The following ANKRD11 variants were observed in gnomAD, a reference collection of about 807,000 sequenced individuals.
ANKRD11 encodes ankyrin repeat domain-containing protein 11.
In ANKRD11, 17 loss-of-function variants were observed where a neutral mutation model predicts 195.7. The observed-to-expected ratio is 0.09, with a 90% CI of 0.06 to 0.13. The LOEUF is 0.13. Ranked by LOEUF, ANKRD11 falls within the 10% of genes least tolerant of loss-of-function variation. The pLI, the probability that ANKRD11 is intolerant of heterozygous loss-of-function variation, is 1.00. For missense variants in ANKRD11, 3,735 were observed against 3,566.1 expected (o/e 1.05, Z -1.21); for synonymous variants, 1,953 against 1,528.1 (o/e 1.28, Z -6.49).
intron 11 of ANKRD11, 185 bp downstream of exon 11, chr16:89,274,622 TCTGCTGC>T: frequency 1.2e-6 from 1 of 818,324 alleles, no homozygotes; most frequent in Non-Finnish European, 2.0e-6. Context: ...CTGTCTGCTG[TCTGCTGC>T]AGCCTTCTTG....
At chr16:89,269,601 A>C (rs1401074719) in intron 12 of ANKRD11, among the ~76,000 whole-genome samples, 1 of 151,794 alleles carries the variant, frequency 6.6e-6, no homozygotes, top group East Asian at 1.9e-4. Context: ...GTTCCAGTGA[A>C]TATTTTTATA....
At chr16:89,361,275 G>A (rs763849380) in intron 2 of ANKRD11, among the ~76,000 whole-genome samples, 1 of 152,190 alleles carries the variant, frequency 6.6e-6, no homozygotes, top group Non-Finnish European at 1.5e-5. Flanking sequence ...CAGGAAACGG[G>A]GTGACACAGG....
intron 1 of ANKRD11, among the ~76,000 whole-genome samples, chr16:89,440,182 G>C (rs2043385535): frequency 6.6e-6 from 1 of 152,188 alleles, no homozygotes; most frequent in African/African-American, 2.4e-5. Context: ...AGGGTTCACA[G>C]GATTCTTCCT....
chr16:89,300,752 C>G (rs1033564337), intron 4 of ANKRD11: 4 of 598,026 alleles, frequency 6.7e-6, no homozygotes, highest in South Asian at 5.8e-5. Context: ...GCTGAAGGAA[C>G]CAGCATGTGC....
At chr16:89,287,268 G>T in intron 7 of ANKRD11, 1 of 393,428 alleles carries the variant, frequency 2.5e-6, no homozygotes, top group Non-Finnish European at 4.7e-6. Flanking sequence ...GCATCTCTCA[G>T]ACTCAGCAGG....
At chr16:89,432,397 C>T (rs1298895525) in intron 1 of ANKRD11, among the ~76,000 whole-genome samples, 1 of 152,082 alleles carries the variant, frequency 6.6e-6, no homozygotes, top group Non-Finnish European at 1.5e-5. Flanking sequence ...CCGTGGCAGC[C>T]GCCTCCCAGA....
intron 1 of ANKRD11, among the ~76,000 whole-genome samples, chr16:89,479,577 G>C (rs1203271118): frequency 2.0e-5 from 3 of 151,430 alleles, no homozygotes; most frequent in Non-Finnish European, 2.9e-5. Context: ...GGAGGTTGCA[G>C]TGAGCTGAGA....
At chr16:89,408,129 C>G (rs2041982083) in intron 2 of ANKRD11, among the ~76,000 whole-genome samples, 1 of 152,146 alleles carries the variant, frequency 6.6e-6, no homozygotes, top group Admixed American at 6.5e-5. Context: ...GCCAAGACAG[C>G]TCGAAGGACT....
chr16:89,475,407 C>T (rs769705085), intron 1 of ANKRD11, among the ~76,000 whole-genome samples: 62 of 152,264 alleles, frequency 4.1e-4, no homozygotes, highest in Non-Finnish European at 3.7e-4. Context: ...TAACCCACCA[C>T]GCTGCACTGT....
chr16:89,299,754 G>A (rs1357664405), intron 4 of ANKRD11: 67 of 173,472 alleles, frequency 3.9e-4, no homozygotes, highest in East Asian at 5.7e-4. Context: ...GCCTTGTGTG[G>A]GGTGCCTGCC....
rs749473676 is a variant in ANKRD11 at position 89,283,058 on chromosome 16, C to A, written c.3484G>T (p.Asp1162Tyr). ...TTGTCAGAAGACTTCCTGTGTCTGT[C>A]GGAGGCATAGGCCTCCCGTCCTTCC... ...KEEGREAYAS[D>Y]RHRKSSDKQH... The change falls in exon 9 of 13, where the codon GAC (aspartate) becomes TAC (tyrosine). Residue 1162 changes from aspartate to tyrosine, a missense_variant. Transcript: ENST00000301030. This position sits in a 1 kb window ranked among gnomAD's most constrained non-coding sequence, Gnocchi z 4.3. 2 of 1,613,924 alleles carry A rather than the reference C, an allele frequency of 1.2e-6. No homozygotes were observed. Among genetic ancestry groups the A allele is most frequent in the South Asian group, 2.2e-5 (2 of 91,078 alleles).
At chr16:89,341,363 T>C (rs2038649832) in intron 2 of ANKRD11, among the ~76,000 whole-genome samples, 1 of 152,192 alleles carries the variant, frequency 6.6e-6, no homozygotes, top group Non-Finnish European at 1.5e-5. Context: ...ATTTAAGTTG[T>C]AACAGGGCAA....
intron 4 of ANKRD11, chr16:89,301,594 C>T (rs2035856470): frequency 5.0e-6 from 2 of 398,732 alleles, no homozygotes; most frequent in South Asian, 2.5e-4. Flanking sequence ...CACCCACAGC[C>T]CTTACAGAGG....
chr16:89,331,142 T>C (rs777751293), intron 2 of ANKRD11, among the ~76,000 whole-genome samples: 3 of 152,062 alleles, frequency 2.0e-5, no homozygotes, highest in South Asian at 2.1e-4. Flanking sequence ...TGAGGAGAGA[T>C]GGGGTTTCGC....
At chr16:89,313,417 T>C (rs1205414892) in intron 3 of ANKRD11, 1 of 1,288,996 alleles carries the variant, frequency 7.8e-7, no homozygotes, top group Non-Finnish European at 1.0e-6. Context: ...TGAGAGACCG[T>C]CTGCAGAAGG....
At chr16:89,481,317 C>T (rs1322282377) in intron 1 of ANKRD11, among the ~76,000 whole-genome samples, 1 of 152,144 alleles carries the variant, frequency 6.6e-6, no homozygotes, top group Non-Finnish European at 1.5e-5. Flanking sequence ...CCTGTCATCC[C>T]AGCACTTTGG....
chr16:89,374,825 G>A (rs983660890), intron 2 of ANKRD11, among the ~76,000 whole-genome samples: 3 of 152,048 alleles, frequency 2.0e-5, no homozygotes, highest in Non-Finnish European at 2.9e-5. Flanking sequence ...GGCTGCACAC[G>A]GCAAGTCACC....
At chr16:89,311,394 C>T (rs554652648) in intron 3 of ANKRD11, among the ~76,000 whole-genome samples, 1 of 152,288 alleles carries the variant, frequency 6.6e-6, no homozygotes, top group African/African-American at 2.4e-5. Context: ...CAGTATAGTA[C>T]TAACACAACA....
intron 2 of ANKRD11, among the ~76,000 whole-genome samples, chr16:89,326,549 C>T (rs931688682): frequency 6.6e-6 from 1 of 152,046 alleles, no homozygotes. Flanking sequence ...GTTTGAGACC[C>T]GGGCAATGTA....
Sources: gnomAD v4.1 joint callset for allele counts (sites outside exome capture counted in the v4.1 genomes callset) on GRCh38, gnomAD v4.1.1 for gene constraint, Gnocchi (gnomAD v3.1) non-coding constraint, MANE v1.5 for transcripts, NCBI Gene and HGNC (gene_info 2026-07-23, HGNC 2026-07-21) for gene names.